GPBP1: variants seen among roughly 807,000 people sequenced by gnomAD.
GPBP1 encodes the protein GC-rich promoter binding protein 1, also known as vasculin.
A neutral mutation model predicts 56.5 loss-of-function variants in GPBP1; 13 were observed. The ratio of observed to expected loss-of-function variants is 0.23; its 90% CI spans 0.15 to 0.37. The LOEUF (loss-of-function observed/expected upper bound fraction) is 0.37, where lower values mean the gene tolerates loss of function less well. Among genes scored for constraint, GPBP1 ranks in the 10% least tolerant of loss-of-function variants. The probability of loss-of-function intolerance (pLI) is 1.00; values close to 1 mark genes in which losing one functional copy is unlikely to be tolerated. For synonymous variants in GPBP1, 204 were observed against 188.9 expected, an observed-to-expected ratio of 1.08 and a Z score of -0.66; for missense variants, 477 against 572.3, an observed-to-expected ratio of 0.83 and a Z score of 1.70.
intron 2 of GPBP1, among the ~76,000 whole-genome samples, chr5:57,180,188 C>T (rs1187260029): frequency 6.6e-6 from 1 of 152,230 alleles, no homozygotes; most frequent in African/African-American, 2.4e-5. Context: ...AATCTCTGCT[C>T]ACTGTGACAT....
chr5:57,210,710 T>C (rs1156673909), intron 2 of GPBP1, among the ~76,000 whole-genome samples: 1 of 152,214 alleles, frequency 6.6e-6, no homozygotes, highest in Non-Finnish European at 1.5e-5. Flanking sequence ...AACAGACATT[T>C]ATTTTCTCAG....
At chr5:57,206,046 A>C (rs904775615) in intron 2 of GPBP1, among the ~76,000 whole-genome samples, 1 of 152,046 alleles carries the variant, frequency 6.6e-6, no homozygotes, top group Non-Finnish European at 1.5e-5. Context: ...GATTACAGGC[A>C]CAAGCCATTG....
chr5:57,199,025 A>G (rs1461548361), intron 2 of GPBP1, among the ~76,000 whole-genome samples: 1 of 152,232 alleles, frequency 6.6e-6, no homozygotes, highest in African/African-American at 2.4e-5. Context: ...TTTAATATGA[A>G]TTAATCATGA....
At chr5:57,197,360 CTTTT>C (rs34110209) in intron 2 of GPBP1, among the ~76,000 whole-genome samples, 5 of 119,880 alleles carry the variant, frequency 4.2e-5, no homozygotes, top group Admixed American at 1.0e-4. Flanking sequence ...TATCATTTTG[CTTTT>C]TTTTTTTTTT....
chr5:57,258,759 G>T (rs1351090996), intron 10 of GPBP1, among the ~76,000 whole-genome samples: 6 of 152,164 alleles, frequency 3.9e-5, no homozygotes, highest in Non-Finnish European at 4.4e-5. Context: ...GGAATTACAG[G>T]CATGAGCCAC....
Position 57,185,694 on chromosome 5 carries a change from T to C in GPBP1, c.-58+9294T>C, listed in dbSNP as rs368086175. Among the ~76,000 whole-genome samples the C allele has an allele frequency of 7.6e-4, 116 of 152,210 alleles. 2 individuals carry two copies. The highest frequency in any genetic ancestry group is 2.8e-3 in the African/African-American group (116 of 41,546). ...TGGTGAAGTGTCTGTTCAAATATTT[T>C]GCCTGTTTAAAAAAAAAACTGGGGC... On this transcript the variant is annotated intron_variant, in intron 2 of 11. Transcript: ENST00000506184.
At chr5:57,237,359 G>GGT in intron 6 of GPBP1, 2 of 575,404 alleles carry the variant, frequency 3.5e-6, no homozygotes, top group Admixed American at 5.9e-5. Flanking sequence ...AGATACTATT[G>GGT]GTACTGATCC....
chr5:57,196,712 C>T (rs1012512332), intron 2 of GPBP1, among the ~76,000 whole-genome samples: 1 of 151,130 alleles, frequency 6.6e-6, no homozygotes, highest in African/African-American at 2.4e-5. Flanking sequence ...CCTGCCTCAG[C>T]CCCCCAAGTA....
At chr5:57,174,798 C>T (rs1753724791) in intron 1 of GPBP1, among the ~76,000 whole-genome samples, 1 of 152,154 alleles carries the variant, frequency 6.6e-6, no homozygotes, top group South Asian at 2.1e-4. Context: ...TACCTTCCAC[C>T]CCCTCAGTTT....
At position 57,198,675 on chromosome 5, in the gene GPBP1, C is replaced by T. The variant is rs181927715; in HGVS notation, c.-57-15399C>T. Among the ~76,000 whole-genome samples the T allele has an allele frequency of 6.6e-5, 10 of 152,114 alleles. No individual in the cohort carries two copies. In the East Asian group the frequency reaches 1.9e-3, roughly 29 times the overall value. On this transcript the variant is annotated intron_variant, in intron 2 of 11. Transcript: ENST00000506184. ...ACGAGCCTGGCCAACATGGTACAAC[C>T]TTGTCTCTATTAAAAATACAAACAT... is the stretch of plus-strand genomic sequence containing the variant.
intron 3 of GPBP1, among the ~76,000 whole-genome samples, chr5:57,228,378 C>T (rs906677317): frequency 1.3e-5 from 2 of 151,958 alleles, no homozygotes; most frequent in East Asian, 1.9e-4. Context: ...TCATTTGAAC[C>T]TGGGAGACGG....
intron 5 of GPBP1, among the ~76,000 whole-genome samples, chr5:57,232,006 T>C (rs1027564502): frequency 6.6e-6 from 1 of 152,106 alleles, no homozygotes; most frequent in South Asian, 2.1e-4. Context: ...TTCATGTTTG[T>C]GTGTGTGTAT....
intron 6 of GPBP1, among the ~76,000 whole-genome samples, chr5:57,243,161 G>A (rs774281098): frequency 6.6e-5 from 10 of 151,582 alleles, no homozygotes; most frequent in African/African-American, 9.7e-5. Flanking sequence ...TCCACCTCCC[G>A]GGTTCAAGCA....
At chr5:57,254,015 GA>G (rs1741516594) in intron 10 of GPBP1, among the ~76,000 whole-genome samples, 1 of 152,130 alleles carries the variant, frequency 6.6e-6, no homozygotes, top group Non-Finnish European at 1.5e-5. Flanking sequence ...ATGGTTCACT[GA>G]TACCACTCAA....
intron 2 of GPBP1, among the ~76,000 whole-genome samples, chr5:57,205,934 T>C (rs1755213974): frequency 1.3e-5 from 2 of 152,208 alleles, no homozygotes; most frequent in South Asian, 4.1e-4. Context: ...TGGCTAAGTT[T>C]TAAACATTTT....
At position 57,179,365 on chromosome 5, in the gene GPBP1, T is replaced by G. The variant is rs988975353; in HGVS notation, c.-58+2965T>G. Among the ~76,000 whole-genome samples, 7 of 129,290 alleles carry G rather than the reference T, an allele frequency of 5.4e-5. 1 individual carries two copies. The highest frequency in any genetic ancestry group is 1.1e-4 in the Non-Finnish European group (6 of 55,348). 84.8% of individuals were successfully genotyped at this position (129,290 alleles called of 152,430 possible). A position where few individuals can be genotyped will look rare whatever the true frequency, so the allele number is the denominator to read the frequency against. On this transcript the variant is annotated intron_variant, in intron 2 of 11. Coordinates refer to ENST00000506184, the MANE Select transcript of GPBP1 (RefSeq NM_022913.4). ...GCTAAAATTGTGTGTGTGTGTGTGTTTGAGACAGGGTCTCGCTCTCTCACC... is the reference window on the plus strand; with the variant it reads ...GCTAAAATTGTGTGTGTGTGTGTGTGTGAGACAGGGTCTCGCTCTCTCACC...
At chr5:57,212,665 TTTTTTTC>T (rs1378979058) in intron 2 of GPBP1, among the ~76,000 whole-genome samples, 2 of 150,372 alleles carry the variant, frequency 1.3e-5, no homozygotes, top group Non-Finnish European at 3.0e-5. Flanking sequence ...TTTCTTTTTC[TTTTTTTC>T]TTTTTTTTTT....
Position 57,215,013 on chromosome 5 carries a change from G to A in GPBP1, c.63+820G>A, listed in dbSNP as rs145336495. On this transcript the variant is annotated intron_variant, in intron 3 of 11. Transcript: ENST00000506184. ...TTATTACACCATCAGCGTACACTAA[G>A]CCATTTATTTCAAAGTTGTCTTTTG... Among the ~76,000 whole-genome samples the A allele has an allele frequency of 3.0e-4, 46 of 152,254 alleles. No individual in the cohort carries two copies. The East Asian group carries it at 8.7e-3, about 29-fold the overall frequency.
intron 11 of GPBP1, among the ~76,000 whole-genome samples, chr5:57,262,347 A>G (rs1554078630): frequency 6.6e-6 from 1 of 152,196 alleles, no homozygotes; most frequent in African/African-American, 2.4e-5. Context: ...TATTCTGGTA[A>G]GTCCCTGAAG....
Sources: allele counts gnomAD v4.1 joint callset (sites outside exome capture counted in the v4.1 genomes callset), GRCh38; gene constraint gnomAD v4.1.1; transcripts MANE v1.5; gene names NCBI Gene and HGNC (gene_info 2026-07-23, HGNC 2026-07-21).